Variants in MAF observed in about 807,000 individuals in gnomAD.
MAF encodes the protein MAF bZIP transcription factor.
In MAF, 10 loss-of-function variants were observed where a neutral mutation model predicts 22.0. The ratio of observed to expected loss-of-function variants is 0.45; its 90% CI spans 0.28 to 0.77. The LOEUF (loss-of-function observed/expected upper bound fraction) is 0.77, where lower values mean the gene tolerates loss of function less well. MAF is among the 30% of genes least tolerant of loss of function. The pLI, the probability that MAF is intolerant of heterozygous loss-of-function variation, is 0.12. For synonymous variants in MAF, 337 were observed against 255.8 expected (o/e 1.32, Z -3.03); for missense variants, 544 against 548.4 (o/e 0.99, Z 0.08).
At chr16:79,364,697 A>G in the MAF span, among the ~76,000 whole-genome samples, 1 of 152,262 alleles carries the variant, frequency 6.6e-6, no homozygotes, top group South Asian at 2.1e-4. Flanking sequence ...GAGAGCATTC[A>G]TATGATTTTG....
the MAF span, among the ~76,000 whole-genome samples, chr16:79,348,851 G>A: frequency 6.6e-6 from 1 of 152,162 alleles, no homozygotes; most frequent in Admixed American, 6.5e-5. Flanking sequence ...TTCTCGAGGG[G>A]CTAAATGGCA....
the MAF span, among the ~76,000 whole-genome samples, chr16:79,318,450 T>A: frequency 6.6e-6 from 1 of 152,080 alleles, no homozygotes; most frequent in Non-Finnish European, 1.5e-5. Context: ...CATGGGAAAA[T>A]GCAAACATGT....
chr16:79,229,632 G>A, the MAF span, among the ~76,000 whole-genome samples: 1 of 152,054 alleles, frequency 6.6e-6, no homozygotes, highest in Non-Finnish European at 1.5e-5. Flanking sequence ...AGGACAAGGC[G>A]AACAGACTCG....
the MAF span, among the ~76,000 whole-genome samples, chr16:79,412,004 C>A: frequency 3.3e-5 from 5 of 152,176 alleles, no homozygotes; most frequent in Non-Finnish European, 5.9e-5. Flanking sequence ...ACGATAATGA[C>A]TCACTTTGTG....
the MAF span, among the ~76,000 whole-genome samples, chr16:79,282,917 C>T: frequency 6.6e-6 from 1 of 152,062 alleles, no homozygotes; most frequent in Non-Finnish European, 1.5e-5. Flanking sequence ...TGAGTTTCAT[C>T]AAAGGCATGT....
the MAF span, among the ~76,000 whole-genome samples, chr16:79,523,311 T>C: frequency 2.0e-5 from 3 of 152,224 alleles, no homozygotes; most frequent in African/African-American, 7.2e-5. Flanking sequence ...ACAGAATGGA[T>C]TCTTCTCCCA....
chr16:79,293,957 T>G, the MAF span, among the ~76,000 whole-genome samples: 2 of 152,184 alleles, frequency 1.3e-5, no homozygotes, highest in East Asian at 3.9e-4. Context: ...GGTAGGTTAC[T>G]GCCTGGATGG....
chr16:79,260,463 CTATCTA>C, the MAF span, among the ~76,000 whole-genome samples: 428 of 145,410 alleles, frequency 2.9e-3, 2 homozygotes, highest in Middle Eastern at 0.025. Flanking sequence ...ATGTATCTAT[CTATCTA>C]TATCTATATC....
chr16:79,475,362 A>ATGTG, the MAF span, among the ~76,000 whole-genome samples: 2,939 of 148,778 alleles, frequency 0.02, 37 homozygotes, highest in Middle Eastern at 0.057. Context: ...ATGTATATAT[A>ATGTG]TGTGTGTGTG....
chr16:79,334,508 A>C, the MAF span, among the ~76,000 whole-genome samples: 1 of 152,204 alleles, frequency 6.6e-6, no homozygotes, highest in Non-Finnish European at 1.5e-5. Flanking sequence ...AGGTGGTTAC[A>C]TGGGTGTAGA....
At chr16:79,438,049 G>A in the MAF span, among the ~76,000 whole-genome samples, 2 of 152,258 alleles carry the variant, frequency 1.3e-5, no homozygotes. Context: ...ATCCCTTGGA[G>A]AGCCTGTCTC....
the MAF span, among the ~76,000 whole-genome samples, chr16:79,534,878 C>G: frequency 6.6e-6 from 1 of 152,182 alleles, no homozygotes; most frequent in African/African-American, 2.4e-5. Context: ...CCAGGTTCCT[C>G]TCTGGACAGT....
chr16:79,357,978 T>C, the MAF span, among the ~76,000 whole-genome samples: 1 of 152,142 alleles, frequency 6.6e-6, no homozygotes, highest in Non-Finnish European at 1.5e-5. Flanking sequence ...CCAGCATTGC[T>C]CTTGGACACC....
At chr16:79,394,130 G>C in the MAF span, among the ~76,000 whole-genome samples, 519 of 152,280 alleles carry the variant, frequency 3.4e-3, no homozygotes, top group Non-Finnish European at 6.0e-3. Flanking sequence ...TCAGCAAGGA[G>C]AGCAAAATAA....
the MAF span, among the ~76,000 whole-genome samples, chr16:79,543,500 G>C: frequency 4.6e-5 from 7 of 152,268 alleles, no homozygotes; most frequent in African/African-American, 1.7e-4. Context: ...AAGATGGCGG[G>C]CAGTCCCACC....
At chr16:79,501,118 AC>A in the MAF span, among the ~76,000 whole-genome samples, 2 of 152,162 alleles carry the variant, frequency 1.3e-5, no homozygotes, top group Admixed American at 6.5e-5. Context: ...AGGTGTCACC[AC>A]ACTCCCTCTG....
chr16:79,209,782 G>C, the MAF span, among the ~76,000 whole-genome samples: 140 of 152,314 alleles, frequency 9.2e-4, 2 homozygotes, highest in African/African-American at 3.0e-3. Flanking sequence ...TTCCCCACAT[G>C]GGATGCAGAA....
the MAF span, among the ~76,000 whole-genome samples, chr16:79,304,899 G>T: frequency 3.3e-5 from 5 of 152,152 alleles, no homozygotes; most frequent in Admixed American, 6.5e-5. Flanking sequence ...TTGCAATGCA[G>T]CTGCTTGGAT....
At chr16:79,401,678 A>G in the MAF span, among the ~76,000 whole-genome samples, 1 of 152,172 alleles carries the variant, frequency 6.6e-6, no homozygotes, top group Admixed American at 6.5e-5. Flanking sequence ...AATAGTGATA[A>G]TAATAATAAT....
Sources: allele counts gnomAD v4.1 joint callset (sites outside exome capture counted in the v4.1 genomes callset), GRCh38; gene constraint gnomAD v4.1.1; transcripts MANE v1.5; gene names NCBI Gene and HGNC (gene_info 2026-07-23, HGNC 2026-07-21).